The following KCNIP4 variants were observed in gnomAD, a reference collection of about 807,000 sequenced individuals.
The protein encoded by KCNIP4 is Kv channel-interacting protein 4.
Under a neutral mutation model 34.0 loss-of-function variants are expected in KCNIP4, and 12 were observed. The ratio of observed to expected loss-of-function variants is 0.35; its 90% confidence interval spans 0.23 to 0.57. KCNIP4 has a LOEUF of 0.57. Ranked by LOEUF, KCNIP4 falls within the 20% of genes least tolerant of loss-of-function variation. KCNIP4 has a pLI of 0.83. For synonymous variants in KCNIP4, 124 were observed against 102.2 expected (o/e 1.21, Z -1.29); for missense variants, 238 against 311.7 (o/e 0.76, Z 1.78).
At chr4:21,403,447 T>C (rs1560371993) in intron 1 of KCNIP4, among the ~76,000 whole-genome samples, 1 of 152,188 alleles carries the variant, frequency 6.6e-6, no homozygotes, top group Non-Finnish European at 1.5e-5. Flanking sequence ...GTCTAGTCTT[T>C]CCCAAGAGGC....
intron 1 of KCNIP4, among the ~76,000 whole-genome samples, chr4:21,696,658 C>G (rs998873268): frequency 2.0e-5 from 3 of 152,074 alleles, no homozygotes; most frequent in East Asian, 3.9e-4. Flanking sequence ...TCATGAGCAA[C>G]AAAACTGTTG....
intron 1 of KCNIP4, among the ~76,000 whole-genome samples, chr4:21,897,844 A>T (rs1190860425): frequency 1.3e-5 from 2 of 152,182 alleles, no homozygotes; most frequent in Non-Finnish European, 2.9e-5. Flanking sequence ...CATCATATTA[A>T]GGAATGAGGC....
At position 21,354,918 on chromosome 4, in the gene KCNIP4, T is replaced by C. The variant is rs139899380; in HGVS notation, c.62-472209A>G. Among the ~76,000 whole-genome samples, 610 of 152,182 alleles carry C rather than the reference T, an allele frequency of 4.0e-3. 15 individuals are homozygous for C. In the East Asian group the frequency reaches 0.085, roughly 21 times the overall value. ...TGCAAGTAAAGCACTCCTCAGCAAA[T>C]GTAAAAGAACAGAAATCATAACAAA... On this transcript the variant is annotated intron_variant, in intron 1 of 8. Coordinates refer to ENST00000382152, the MANE Select transcript of KCNIP4 (RefSeq NM_025221.6).
chr4:20,944,051 G>A (rs765797120), intron 1 of KCNIP4, among the ~76,000 whole-genome samples: 7 of 152,162 alleles, frequency 4.6e-5, no homozygotes, highest in Non-Finnish European at 1.0e-4. Context: ...GTTTCCTTCA[G>A]CTTCTGTAAA....
chr4:21,769,435 T>C (rs73102043), intron 1 of KCNIP4, among the ~76,000 whole-genome samples: 22,566 of 152,148 alleles, frequency 0.15, 5,624 homozygotes, highest in African/African-American at 0.51. Context: ...TTTTTAACAA[T>C]AGACATTTTC....
rs148221846 is a variant in KCNIP4 at position 21,068,994 on chromosome 4, G to A, written c.62-186285C>T. Among the ~76,000 whole-genome samples, 471 of 152,258 alleles carry A rather than the reference G, an allele frequency of 3.1e-3. 2 individuals are homozygous for A. Among genetic ancestry groups the A allele is most frequent in the African/African-American group, 0.011 (448 of 41,560 alleles). On this transcript the variant is annotated intron_variant, in intron 1 of 8. Transcript: ENST00000382152. Reference sequence around the variant, plus strand: ...CATTTACTATGGTGAGTCTAAACAAGTTACTTAACCTATCTGTGCCTGAGA... The same window carrying A: ...CATTTACTATGGTGAGTCTAAACAAATTACTTAACCTATCTGTGCCTGAGA...
rs10688809 is a variant in KCNIP4 at position 21,786,572 on chromosome 4, CT to C, written c.61+161998del. Reference sequence around the variant, plus strand: ...TTTTAAACCAGCATAGAGAGTCACTCTTTTTTTTTTTTTGAGATGGAGTCTT... The same window carrying C: ...TTTTAAACCAGCATAGAGAGTCACTCTTTTTTTTTTTTGAGATGGAGTCTT... On this transcript the variant is annotated intron_variant, in intron 1 of 8. Coordinates refer to ENST00000382152, the MANE Select transcript of KCNIP4 (RefSeq NM_025221.6). 4.8e-3 allele frequency among the ~76,000 whole-genome samples: 693 copies of C among 143,024 alleles called. 5 individuals carry two copies. The highest frequency in any genetic ancestry group is 0.017 in the African/African-American group (654 of 38,328). The allele number at this position is 143,024 out of a possible 152,430, so 93.8% of individuals were successfully genotyped here.
At chr4:20,887,752 A>G (rs1725473605) in intron 1 of KCNIP4, among the ~76,000 whole-genome samples, 1 of 152,160 alleles carries the variant, frequency 6.6e-6, no homozygotes, top group South Asian at 2.1e-4. Context: ...GAATGTCCTC[A>G]GGCTGAGGTT....
At chr4:21,875,963 A>G (rs1726085589) in intron 1 of KCNIP4, among the ~76,000 whole-genome samples, 1 of 152,186 alleles carries the variant, frequency 6.6e-6, no homozygotes, top group African/African-American at 2.4e-5. Context: ...ACATAGAAAA[A>G]GGAGACTTCA....
intron 1 of KCNIP4, among the ~76,000 whole-genome samples, chr4:21,146,158 G>T (rs1181544619): frequency 6.6e-6 from 1 of 152,198 alleles, no homozygotes; most frequent in African/African-American, 2.4e-5. Flanking sequence ...CATCACTTTG[G>T]GAGGCTGAGG....
intron 1 of KCNIP4, among the ~76,000 whole-genome samples, chr4:20,916,895 A>G (rs1285014409): frequency 6.8e-6 from 1 of 147,360 alleles, no homozygotes; most frequent in African/African-American, 2.5e-5. Context: ...TTGTGGTCAC[A>G]CTCATTTTAT....
At chr4:21,293,577 C>A (rs1378207847) in intron 1 of KCNIP4, among the ~76,000 whole-genome samples, 1 of 152,130 alleles carries the variant, frequency 6.6e-6, no homozygotes, top group Non-Finnish European at 1.5e-5. Flanking sequence ...GACAGGGGGA[C>A]CCCTAATGGG....
intron 1 of KCNIP4, among the ~76,000 whole-genome samples, chr4:21,532,985 T>C (rs1736818656): frequency 7.3e-6 from 1 of 137,390 alleles, no homozygotes; most frequent in Non-Finnish European, 1.5e-5. Context: ...TACATACATA[T>C]GTGTGAGTGT....
intron 1 of KCNIP4, among the ~76,000 whole-genome samples, chr4:21,129,424 T>C (rs1330109145): frequency 6.6e-6 from 1 of 152,204 alleles, no homozygotes; most frequent in African/African-American, 2.4e-5. Flanking sequence ...TTCAGAAGGA[T>C]TGGATGACCT....
chr4:21,089,011 C>T (rs1577671670), intron 1 of KCNIP4, among the ~76,000 whole-genome samples: 1 of 152,228 alleles, frequency 6.6e-6, no homozygotes, highest in East Asian at 1.9e-4. Context: ...ATATCATGTC[C>T]TATTATAACT....
chr4:21,913,179 A>G (rs913616311), intron 1 of KCNIP4, among the ~76,000 whole-genome samples: 1 of 151,962 alleles, frequency 6.6e-6, no homozygotes, highest in Admixed American at 6.6e-5. Flanking sequence ...GTTTCTTATA[A>G]AAAAGGGGTT....
At position 21,335,906 on chromosome 4, in the gene KCNIP4, G is replaced by A. The variant is rs142838837; in HGVS notation, c.62-453197C>T. On this transcript the variant is annotated intron_variant, in intron 1 of 8. Coordinates refer to ENST00000382152, the MANE Select transcript of KCNIP4 (RefSeq NM_025221.6). ...CAAAGCTTTAAAATAATTGATTACC[G>A]ATGCTCTGGGGTCTATTAGTACCCT... Among the ~76,000 whole-genome samples the A allele has an allele frequency of 4.3e-4, 66 of 152,126 alleles. No homozygotes were observed. The East Asian group carries it at 0.01, about 24-fold the overall frequency.
intron 3 of KCNIP4, among the ~76,000 whole-genome samples, chr4:20,806,882 C>A (rs1715164456): frequency 6.6e-6 from 1 of 152,006 alleles, no homozygotes; most frequent in Non-Finnish European, 1.5e-5. Context: ...GGTATAAGAC[C>A]AAATGAAACT....
intron 1 of KCNIP4, among the ~76,000 whole-genome samples, chr4:21,670,977 T>TA (rs71191530): frequency 1.3e-5 from 2 of 150,300 alleles, no homozygotes; most frequent in African/African-American, 4.9e-5. Flanking sequence ...TTTTTTTTTT[T>TA]AAATTAATAA....
Sources: gnomAD v4.1 joint callset for allele counts (sites outside exome capture counted in the v4.1 genomes callset) on GRCh38, gnomAD v4.1.1 for gene constraint, MANE v1.5 for transcripts, NCBI Gene and HGNC (gene_info 2026-07-23, HGNC 2026-07-21) for gene names.